CANX: variants seen among roughly 807,000 people sequenced by gnomAD.
The protein encoded by CANX is epididymis secretory sperm binding protein.
CANX carries 14 observed loss-of-function variants against 75.7 expected under a neutral mutation model. That is an observed-to-expected ratio of 0.19 (90% confidence interval 0.12 to 0.29). The LOEUF is 0.29. Among genes scored for constraint, CANX ranks in the 10% least tolerant of loss-of-function variants. The pLI is 1.00. For synonymous variants in CANX, 227 were observed against 236.9 expected (o/e 0.96, Z 0.38); for missense variants, 567 against 713.2 (o/e 0.79, Z 2.34).
At chr5:179,712,118 T>G (rs199834928) in intron 7 of CANX, among the ~76,000 whole-genome samples, 1 of 124,684 alleles carries the variant, frequency 8.0e-6, no homozygotes, top group Non-Finnish European at 1.6e-5. Context: ...AAAAAAGGTG[T>G]TTTTTTTTTT....
intron 14 of CANX, 93 bp downstream of exon 14, chr5:179,726,852 T>C (rs1268835727): frequency 1.1e-6 from 1 of 913,652 alleles, no homozygotes; most frequent in African/African-American, 1.7e-5. Flanking sequence ...CAGTGGCTTA[T>C]GGCAGTAAAA....
At chr5:179,685,926 G>C (rs1159353252) in intron 1 of CANX, among the ~76,000 whole-genome samples, 3 of 151,892 alleles carry the variant, frequency 2.0e-5, no homozygotes, top group Non-Finnish European at 2.9e-5. Context: ...CCTGACCTCA[G>C]GTTATCTGTC....
chr5:179,691,280 C>T (rs1230830363), intron 1 of CANX, among the ~76,000 whole-genome samples: 19 of 152,132 alleles, frequency 1.2e-4, no homozygotes, highest in Admixed American at 7.9e-4. Flanking sequence ...CCACCTCAGC[C>T]TCCCAAAGTG....
Position 179,724,645 on chromosome 5 carries a change from G to A in CANX, c.1519-12G>A. ...ACATGTAAACAAAATTGTACTTTGG[G>A]GAACATTTCAGAAACAGACCAGTGG... On this transcript the variant is annotated splice_polypyrimidine_tract_variant and intron_variant, in intron 12 of 14. Coordinates refer to ENST00000247461, the MANE Select transcript of CANX (RefSeq NM_001746.4). The A allele has an allele frequency of 1.2e-6, 2 of 1,609,750 alleles. No homozygotes were observed. The highest frequency in any genetic ancestry group is 1.7e-6 in the Non-Finnish European group (2 of 1,177,702).
At position 179,720,489 on chromosome 5, in the gene CANX, C is replaced by A; in HGVS notation, c.1111C>A (p.Arg371=). The change falls in exon 10 of 15, where the codon CGA becomes AGA. Residue 371 remains arginine, a synonymous_variant. Transcript: ENST00000247461. ...ESAPGCGVWQ[R]PVIDNPNYKG... The stretch of plus-strand genomic sequence containing the variant: ...AGCTCCTGGATGTGGTGTCTGGCAG[C>A]GACCTGTGATTGACAACCCCAATTA... The A allele has an allele frequency of 6.2e-7, 1 of 1,613,716 alleles. No homozygotes were observed. The highest frequency in any genetic ancestry group is 1.1e-5 in the South Asian group (1 of 91,068).
chr5:179,710,583 C>T (rs996845385), intron 7 of CANX, among the ~76,000 whole-genome samples: 10 of 149,880 alleles, frequency 6.7e-5, no homozygotes, highest in Non-Finnish European at 4.4e-5. Context: ...TGGTGGGCAC[C>T]TGTAGTCGCA....
chr5:179,705,541 T>C (rs1332792008), intron 1 of CANX, 138 bp from the exon 2 acceptor site: 1 of 676,982 alleles, frequency 1.5e-6, no homozygotes, highest in Non-Finnish European at 2.5e-6. Flanking sequence ...TGCCTTTCTT[T>C]ATCTATGAAA....
chr5:179,726,616 T>C (rs1778692642), intron 13 of CANX, 64 bp from the exon 14 acceptor site: 1 of 1,085,790 alleles, frequency 9.2e-7, no homozygotes, highest in South Asian at 1.3e-5. Flanking sequence ...AGATGTGTTC[T>C]AATGCTAATA....
chr5:179,719,824 G>T lies in CANX; in HGVS notation c.1025+43G>T, dbSNP rs764671889. ...CTTTTTTTAATTACCTGGTTTTTTTGTTTGTTTTTTTTTTTGAGATGGAGT... is the reference window on the plus strand; with the variant it reads ...CTTTTTTTAATTACCTGGTTTTTTTTTTTGTTTTTTTTTTTGAGATGGAGT... On this transcript the variant is annotated intron_variant, in intron 9 of 14. Transcript: ENST00000247461. 6.1e-4 allele frequency: 664 copies of T among 1,092,168 alleles called. 5 individuals are homozygous for T. In the African/African-American group the frequency reaches 9.7e-3, roughly 16 times the overall value. The allele number at this position is 1,092,168 out of a possible 1,614,324, so 67.7% of individuals were successfully genotyped here.
intron 7 of CANX, among the ~76,000 whole-genome samples, chr5:179,714,802 C>A (rs1777820349): frequency 6.6e-6 from 1 of 152,174 alleles, no homozygotes; most frequent in Non-Finnish European, 1.5e-5. Context: ...CAGGCGTGAG[C>A]CACTGCGCCC....
intron 14 of CANX, among the ~76,000 whole-genome samples, chr5:179,728,365 G>A (rs940009440): frequency 3.9e-5 from 6 of 152,128 alleles, no homozygotes; most frequent in Non-Finnish European, 7.4e-5. Flanking sequence ...GTTAGATTGA[G>A]AAAAGTGTAT....
chr5:179,711,768 A>G (rs1321626245), intron 7 of CANX, among the ~76,000 whole-genome samples: 1 of 141,108 alleles, frequency 7.1e-6, no homozygotes, highest in African/African-American at 2.7e-5. Context: ...AGCCTGGGCG[A>G]CAGGAAGACT....
rs1776023746 is a variant in CANX at position 179,680,113 on chromosome 5, G to A, written c.-4+1336G>A. 2.0e-5 allele frequency among the ~76,000 whole-genome samples: 3 copies of A among 152,010 alleles called. No homozygotes were observed. In the South Asian group the frequency reaches 6.2e-4, roughly 31 times the overall value. On this transcript the variant is annotated intron_variant, in intron 1 of 14. Transcript: ENST00000681674. ...GGTGTGAGCCACTGTACCCGGCAGG[G>A]CAGGACTTTCATATTTCAGATGTGA...
intron 14 of CANX, among the ~76,000 whole-genome samples, chr5:179,727,673 G>C (rs1004462419): frequency 6.6e-6 from 1 of 152,200 alleles, no homozygotes; most frequent in Non-Finnish European, 1.5e-5. Flanking sequence ...GATGATGACT[G>C]TGTCTGCTGT....
At chr5:179,701,615 C>T (rs866241858) in intron 1 of CANX, among the ~76,000 whole-genome samples, 1 of 151,264 alleles carries the variant, frequency 6.6e-6, no homozygotes, top group African/African-American at 2.4e-5. Context: ...AAATAGAATA[C>T]GCCGTTTATA....
chr5:179,692,226 C>T (rs188401782), intron 1 of CANX, among the ~76,000 whole-genome samples: 49 of 152,178 alleles, frequency 3.2e-4, no homozygotes, highest in Non-Finnish European at 5.6e-4. Context: ...AGGTACGCAC[C>T]ACCATGCCCG....
At chr5:179,697,882 C>T (rs886662161), upstream of CANX, among the ~76,000 whole-genome samples, 5 of 151,972 alleles carry the variant, frequency 3.3e-5, no homozygotes, top group Non-Finnish European at 7.4e-5. Flanking sequence ...AGCAAGACTT[C>T]GTCTCAAAAA....
At chr5:179,723,336 A>G in intron 11 of CANX, 1 of 414,838 alleles carries the variant, frequency 2.4e-6, no homozygotes, top group Non-Finnish European at 4.2e-6. Context: ...AGAATTTTCA[A>G]ACAACTGGTC....
Position 179,728,662 on chromosome 5 carries a change from G to T in CANX, c.*18G>T. ...GAGAGTGAAACAATCTTAAGAGCTT[G>T]ATCTGTGATTTCTTCTCCCTCCTCC... On this transcript the variant is annotated 3_prime_UTR_variant, in exon 15 of 15. Transcript: ENST00000247461. 6.3e-7 allele frequency: 1 copy of T among 1,589,924 alleles called. No individual in the cohort carries two copies. The highest frequency in any genetic ancestry group is 1.1e-5 in the South Asian group (1 of 90,470).
Sources: allele counts gnomAD v4.1 joint callset (sites outside exome capture counted in the v4.1 genomes callset), GRCh38; gene constraint gnomAD v4.1.1; transcripts MANE v1.5; gene names NCBI Gene and HGNC (gene_info 2026-07-23, HGNC 2026-07-21).